Variants in GIGYF2 observed in about 807,000 individuals in gnomAD.
The protein encoded by GIGYF2 is GRB10-interacting GYF protein 2.
In GIGYF2, 25 loss-of-function variants were observed where a neutral mutation model predicts 208.1. The ratio of observed to expected loss-of-function variants is 0.12; its 90% CI spans 0.09 to 0.17. GIGYF2 has a LOEUF of 0.17. Among genes scored for constraint, GIGYF2 ranks in the 10% least tolerant of loss-of-function variants. The pLI, the probability that GIGYF2 is intolerant of heterozygous loss-of-function variation, is 1.00. For synonymous variants in GIGYF2, 534 were observed against 543.8 expected (o/e 0.98, Z 0.25); for missense variants, 1,302 against 1,579.4 (o/e 0.82, Z 2.98).
At chr2:232,729,987 C>T (rs1018770183) in intron 2 of GIGYF2, 9 of 734,204 alleles carry the variant, frequency 1.2e-5, no homozygotes, top group Non-Finnish European at 2.0e-5. Flanking sequence ...CTTCTTCACT[C>T]CTGGAAGGCT....
chr2:232,789,273 AT>A (rs1484535527), intron 9 of GIGYF2, among the ~76,000 whole-genome samples: 11 of 152,170 alleles, frequency 7.2e-5, no homozygotes, highest in African/African-American at 2.4e-4. Flanking sequence ...GGGTGGGAAC[AT>A]TAAGGACAGG....
rs1417670834 is a variant in GIGYF2, at chr2:232,845,714, C to T, written c.3306-18C>T. ...ACAGTTTCTGGGAATATAATATCACCCTATTGTTTTGCTTTAGTAAATCTG... is the reference window on the plus strand; with the variant it reads ...ACAGTTTCTGGGAATATAATATCACTCTATTGTTTTGCTTTAGTAAATCTG... On this transcript the variant is annotated intron_variant, in intron 25 of 28. Coordinates refer to ENST00000373563, the MANE Select transcript of GIGYF2 (RefSeq NM_001103146.3). 6.4e-7 allele frequency: 1 copy of T among 1,572,720 alleles called. No homozygotes were observed. The highest frequency in any genetic ancestry group is 1.1e-5 in the South Asian group (1 of 90,230).
At chr2:232,759,574 T>C (rs985864387) in intron 6 of GIGYF2, among the ~76,000 whole-genome samples, 3 of 152,218 alleles carry the variant, frequency 2.0e-5, no homozygotes, top group Non-Finnish European at 4.4e-5. Context: ...GTTCTTGTTA[T>C]TGAACAGAAT....
intron 8 of GIGYF2, among the ~76,000 whole-genome samples, chr2:232,780,588 C>T (rs1259556472): frequency 6.6e-6 from 1 of 152,172 alleles, no homozygotes; most frequent in African/African-American, 2.4e-5. Context: ...AGTGCATGTC[C>T]AGTGCAAGGA....
At chr2:232,819,560 G>C (rs886981258) in intron 20 of GIGYF2, among the ~76,000 whole-genome samples, 1 of 152,156 alleles carries the variant, frequency 6.6e-6, no homozygotes, top group Non-Finnish European at 1.5e-5. Flanking sequence ...AGTAAATGAT[G>C]TAGCTAATAT....
At chr2:232,726,742 G>A (rs1181099705) in intron 2 of GIGYF2, among the ~76,000 whole-genome samples, 1 of 152,140 alleles carries the variant, frequency 6.6e-6, no homozygotes, top group Non-Finnish European at 1.5e-5. Flanking sequence ...GTGGAAGATA[G>A]ATCTTGCCCG....
In GIGYF2 at chr2:232,806,804, G is replaced by A; in HGVS notation, c.1806+147G>A. 1.3e-6 allele frequency: 1 copy of A among 753,306 alleles called. No homozygotes were observed. Among genetic ancestry groups the A allele is most frequent in the Middle Eastern group, 2.8e-4 (1 of 3,550 alleles). 46.7% of individuals were successfully genotyped at this position (753,306 alleles called of 1,614,324 possible). A position where few individuals can be genotyped will look rare whatever the true frequency, so the allele number is the denominator to read the frequency against. On this transcript the variant is annotated intron_variant, in intron 15 of 28. Transcript: ENST00000373563. This position sits in a 1 kb window ranked among gnomAD's most constrained non-coding sequence, Gnocchi z 4.0. Reference sequence around the variant, plus strand: ...ATGGTAAGGGAAAGTCTGAATGGAAGACTGAATACTTAGCTATAATGATCT... The same window carrying A: ...ATGGTAAGGGAAAGTCTGAATGGAAAACTGAATACTTAGCTATAATGATCT...
At chr2:232,848,264 C>A (rs1702083594) in intron 27 of GIGYF2, among the ~76,000 whole-genome samples, 1 of 152,164 alleles carries the variant, frequency 6.6e-6, no homozygotes, top group South Asian at 2.1e-4. Flanking sequence ...ATCCAGCACA[C>A]GTATTTTCTT....
chr2:232,836,185 G>C (rs1701584608), intron 22 of GIGYF2, among the ~76,000 whole-genome samples: 1 of 146,124 alleles, frequency 6.8e-6, no homozygotes, highest in East Asian at 2.0e-4. Context: ...CCAGCACTTT[G>C]GGAGGCCGAG....
chr2:232,727,975 T>G (rs1174219706), intron 2 of GIGYF2, among the ~76,000 whole-genome samples: 1 of 152,218 alleles, frequency 6.6e-6, no homozygotes, highest in Non-Finnish European at 1.5e-5. Flanking sequence ...CCCGCAACAT[T>G]GAGTCCTATA....
At chr2:232,803,680 T>TGTCCCATAGATCACTG (rs1191891760) in intron 14 of GIGYF2, among the ~76,000 whole-genome samples, 2 of 94,162 alleles carry the variant, frequency 2.1e-5, no homozygotes, top group East Asian at 3.8e-4. Context: ...GCTTCTTTTT[T>TGTCCCATAGATCACTG]TTTTTTTTTT....
At chr2:232,804,813 G>T (rs1169467392) in intron 14 of GIGYF2, among the ~76,000 whole-genome samples, 1 of 152,000 alleles carries the variant, frequency 6.6e-6, no homozygotes, top group Non-Finnish European at 1.5e-5. Flanking sequence ...TTTTCATTCC[G>T]TTGTGTGTAT....
chr2:232,823,388 G>C, intron 21 of GIGYF2, among the ~76,000 whole-genome samples: 1 of 130,758 alleles, frequency 7.6e-6, no homozygotes, highest in South Asian at 2.3e-4. Context: ...TTTTTATTGA[G>C]ATGGTCTCAC....
chr2:232,702,393 C>T (rs1262088950), intron 1 of GIGYF2, among the ~76,000 whole-genome samples: 3 of 151,614 alleles, frequency 2.0e-5, no homozygotes, highest in Admixed American at 6.6e-5. Context: ...GAGCCCAGAT[C>T]GTGCCACTGC....
intron 1 of GIGYF2, among the ~76,000 whole-genome samples, chr2:232,701,358 A>T (rs1354984847): frequency 6.6e-6 from 1 of 151,426 alleles, no homozygotes; most frequent in Non-Finnish European, 1.5e-5. Flanking sequence ...ATAGAGCAAG[A>T]CCCTGTCTCC....
intron 18 of GIGYF2, among the ~76,000 whole-genome samples, chr2:232,814,152 C>G (rs1016489085): frequency 1.3e-5 from 2 of 152,134 alleles, no homozygotes; most frequent in Admixed American, 6.5e-5. Context: ...TCCCAAACTG[C>G]TAGGATTACA....
intron 20 of GIGYF2, among the ~76,000 whole-genome samples, chr2:232,819,397 C>A (rs965234012): frequency 6.6e-6 from 1 of 152,140 alleles, no homozygotes; most frequent in Non-Finnish European, 1.5e-5. Context: ...TTACTTCTGA[C>A]TGGGAGAACT....
At chr2:232,736,738 G>A (rs924103634) in intron 3 of GIGYF2, 25 of 151,922 alleles carry the variant, frequency 1.6e-4, no homozygotes, top group Non-Finnish European at 2.6e-4. Flanking sequence ...GCCATTTTTT[G>A]TGCAACTCAT....
intron 21 of GIGYF2, among the ~76,000 whole-genome samples, chr2:232,823,695 A>C (rs527689546): frequency 2.0e-5 from 3 of 152,088 alleles, no homozygotes; most frequent in Non-Finnish European, 4.4e-5. Context: ...TTTTGGTGTT[A>C]GGTTTATACT....
Sources: allele counts gnomAD v4.1 joint callset (sites outside exome capture counted in the v4.1 genomes callset), GRCh38; gene constraint gnomAD v4.1.1; non-coding constraint Gnocchi (gnomAD v3.1); transcripts MANE v1.5; gene names NCBI Gene and HGNC (gene_info 2026-07-23, HGNC 2026-07-21).